Variants in EMILIN2 observed in about 807,000 individuals in gnomAD.
EMILIN2 encodes elastin microfibril interfacer 2, also known as EMILIN-2.
In EMILIN2, 71 loss-of-function variants were observed where a neutral mutation model predicts 87.1. The observed-to-expected ratio is 0.82, with a 90% CI of 0.67 to 0.99. The LOEUF (loss-of-function observed/expected upper bound fraction) is 0.99. Ranked by LOEUF, EMILIN2 falls within the 50% of genes least tolerant of loss-of-function variation. The pLI, the probability that EMILIN2 is intolerant of heterozygous loss-of-function variation, is 0.00. For synonymous variants in EMILIN2, 581 were observed against 563.4 expected (o/e 1.03, Z -0.44); for missense variants, 1,407 against 1,371.8 (o/e 1.03, Z -0.40).
chr18:2,907,050 C>T lies in EMILIN2; in HGVS notation c.2627C>T (p.Thr876Ile). 2 of 1,274,800 alleles carry T rather than the reference C, an allele frequency of 1.6e-6. No homozygotes were observed. The highest frequency in any genetic ancestry group is 2.0e-6 in the Non-Finnish European group (2 of 1,015,002). The allele number at this position is 1,274,800 out of a possible 1,614,324, so 79.0% of individuals were successfully genotyped here. The change falls in exon 5 of 8, where the codon ACC (threonine) becomes ATC (isoleucine). Residue 876 changes from threonine to isoleucine, a missense_variant. Thr to Ile is a moderately conservative substitution (Grantham distance 89). Transcript: ENST00000254528. The stretch of plus-strand genomic sequence containing the variant: ...GTGGACGGCCAGACCGGGAGCGGCA[C>T]CGTCCCCGGCGCAGAAGGCTTCGCG... ...RGVDGQTGSG[T>I]VPGAEGFAGA...
Position 2,848,010 on chromosome 18 carries a change from C to T in EMILIN2, c.257+79C>T, listed in dbSNP as rs2143940971. On this transcript the variant is annotated intron_variant, in intron 2 of 7. Coordinates refer to ENST00000254528, the MANE Select transcript of EMILIN2 (RefSeq NM_032048.3). The surrounding 1 kb of genome is among the most constrained non-coding windows in gnomAD (Gnocchi z 4.1). ...GGTGGGGTGGGGTTGCTGCGCTGGGCTCCAGTCCCTCCGGTAAATCCCTTC... is the reference window on the plus strand; with the variant it reads ...GGTGGGGTGGGGTTGCTGCGCTGGGTTCCAGTCCCTCCGGTAAATCCCTTC... 2.8e-6 allele frequency: 4 copies of T among 1,429,416 alleles called. No individual in the cohort carries two copies. The highest frequency in any genetic ancestry group is 3.7e-6 in the Non-Finnish European group (4 of 1,078,124). 88.5% of individuals were successfully genotyped at this position (1,429,416 alleles called of 1,614,324 possible).
At chr18:2,903,248 G>A (rs2076896250) in intron 4 of EMILIN2, among the ~76,000 whole-genome samples, 2 of 152,024 alleles carry the variant, frequency 1.3e-5, no homozygotes, top group South Asian at 2.1e-4. Flanking sequence ...CCAGGGAGAC[G>A]GTGTCCAGAG....
Position 2,909,762 on chromosome 18 carries a change from G to C in EMILIN2, c.2767G>C (p.Val923Leu). The C allele has an allele frequency of 6.2e-7, 1 of 1,612,746 alleles. No individual in the cohort carries two copies. The highest frequency in any genetic ancestry group is 8.5e-7 in the Non-Finnish European group (1 of 1,179,618). Residue 923 changes from valine (V) to leucine (L), a missense_variant, in exon 7 of 8, where the codon GTT (valine) becomes CTT (leucine). Physicochemically the swap from Val to Leu is conservative, Grantham distance 32 (BLOSUM62 1). Transcript: ENST00000254528. Reference sequence around the variant, plus strand: ...GAAGCCTTTCCCCAGTGATGGGGGCGTTGTCCTCTTTAACAAAGTGCTGGT... The same window carrying C: ...GAAGCCTTTCCCCAGTGATGGGGGCCTTGTCCTCTTTAACAAAGTGCTGGT... Reference protein sequence around the residue: ...TQKPFPSDGGVVLFNKVLVND... With the variant: ...TQKPFPSDGGLVLFNKVLVND...
At chr18:2,879,118 C>CGG (rs2076764170) in intron 2 of EMILIN2, among the ~76,000 whole-genome samples, 1 of 151,942 alleles carries the variant, frequency 6.6e-6, no homozygotes, top group Non-Finnish European at 1.5e-5. Context: ...GAATGGATGT[C>CGG]GGGGGAGAGA....
At chr18:2,870,279 AC>A (rs2076713127) in intron 2 of EMILIN2, among the ~76,000 whole-genome samples, 2 of 152,296 alleles carry the variant, frequency 1.3e-5, no homozygotes, top group African/African-American at 4.8e-5. Flanking sequence ...GAAGTAAAAA[AC>A]ATTTCACATT....
At chr18:2,885,250 A>G (rs1189107346) in intron 3 of EMILIN2, 111 bp downstream of exon 3, 1 of 1,196,054 alleles carries the variant, frequency 8.4e-7, no homozygotes, top group Non-Finnish European at 1.1e-6. Flanking sequence ...CCTTCGAATA[A>G]CACACATAGA....
chr18:2,884,671 C>A lies in EMILIN2; in HGVS notation c.258-293C>A, dbSNP rs559911781. Among the ~76,000 whole-genome samples the A allele has an allele frequency of 1.6e-4, 24 of 152,294 alleles. No homozygotes were observed. The South Asian group carries it at 5.0e-3, about 32-fold the overall frequency. On this transcript the variant is annotated intron_variant, in intron 2 of 7. Transcript: ENST00000254528. ...GCTCAGTTTGGGGGCTGAAAAGTATCCTTCTCAAATGGGAGTCTTGGTGGA... is the reference window on the plus strand; with the variant it reads ...GCTCAGTTTGGGGGCTGAAAAGTATACTTCTCAAATGGGAGTCTTGGTGGA...
At chr18:2,884,532 C>T (rs1335714938) in intron 2 of EMILIN2, among the ~76,000 whole-genome samples, 1 of 152,258 alleles carries the variant, frequency 6.6e-6, no homozygotes, top group Non-Finnish European at 1.5e-5. Context: ...AGGCATGAGC[C>T]ACTGTGCCCG....
In EMILIN2 at chr18:2,906,988, A is replaced by T; in HGVS notation, c.2565A>T (p.Ala855=). Residue 855 remains alanine, a synonymous_variant, in exon 5 of 8, where the codon GCA becomes GCT. Transcript: ENST00000254528. ...AGACGGGCCAGGCCGGGCCCCCCGC[A>T]GGCGCAGGCGTGTCTGGGCGGGGTC... ...IAETGQAGPP[A]GAGVSGRGLP... 7.3e-7 allele frequency: 1 copy of T among 1,375,856 alleles called. No homozygotes were observed. The highest frequency in any genetic ancestry group is 9.4e-7 in the Non-Finnish European group (1 of 1,063,264). 85.2% of individuals were successfully genotyped at this position (1,375,856 alleles called of 1,614,324 possible).
intron 5 of EMILIN2, 144 bp downstream of exon 5, chr18:2,907,229 A>G: frequency 1.1e-6 from 1 of 949,310 alleles, no homozygotes; most frequent in Non-Finnish European, 1.4e-6. Flanking sequence ...AAGGATGCCG[A>G]GGCCCGAGGG....
intron 2 of EMILIN2, among the ~76,000 whole-genome samples, chr18:2,872,586 AG>A (rs2076725515): frequency 6.6e-6 from 1 of 152,204 alleles, no homozygotes; most frequent in African/African-American, 2.4e-5. Context: ...GTGATACAGT[AG>A]GTTCTAGTTA....
intron 4 of EMILIN2, among the ~76,000 whole-genome samples, chr18:2,902,521 A>G (rs2076892256): frequency 6.6e-6 from 1 of 152,116 alleles, no homozygotes; most frequent in Non-Finnish European, 1.5e-5. Flanking sequence ...CGTTTGTCTC[A>G]GTGAGGGTGC....
rs554651277 is a variant in EMILIN2 at position 2,906,985 on chromosome 18, C to A, written c.2562C>A (p.Pro854=). 2.9e-6 allele frequency: 4 copies of A among 1,376,080 alleles called. No homozygotes were observed. The highest frequency in any genetic ancestry group is 2.9e-5 in the Admixed American group (1 of 34,800). The allele number at this position is 1,376,080 out of a possible 1,614,324, so 85.2% of individuals were successfully genotyped here. A position where few individuals can be genotyped will look rare whatever the true frequency, so the allele number is the denominator to read the frequency against. ...VIAETGQAGP[P]AGAGVSGRGL... ...CGGAGACGGGCCAGGCCGGGCCCCCCGCAGGCGCAGGCGTGTCTGGGCGGG... is the reference window on the plus strand; with the variant it reads ...CGGAGACGGGCCAGGCCGGGCCCCCAGCAGGCGCAGGCGTGTCTGGGCGGG... The change falls in exon 5 of 8, where the codon CCC becomes CCA. Residue 854 remains proline (P), a synonymous_variant. Transcript: ENST00000254528.
At chr18:2,905,869 C>A (rs561398305) in intron 4 of EMILIN2, among the ~76,000 whole-genome samples, 12 of 151,658 alleles carry the variant, frequency 7.9e-5, no homozygotes, top group Non-Finnish European at 1.6e-4. Flanking sequence ...AGTGATCCGG[C>A]CGCGTCGGCC....
intron 2 of EMILIN2, among the ~76,000 whole-genome samples, chr18:2,859,909 A>G (rs888639685): frequency 1.3e-5 from 2 of 152,130 alleles, no homozygotes; most frequent in Non-Finnish European, 2.9e-5. Context: ...TGGGTTCTCT[A>G]TTCTGTTCCA....
chr18:2,883,097 A>G (rs1373289121), intron 2 of EMILIN2, among the ~76,000 whole-genome samples: 1 of 152,092 alleles, frequency 6.6e-6, no homozygotes, highest in African/African-American at 2.4e-5. Flanking sequence ...AGGTGCTAGG[A>G]GGTCTAATGG....
chr18:2,869,369 C>T (rs955675452), intron 2 of EMILIN2, among the ~76,000 whole-genome samples: 5 of 152,110 alleles, frequency 3.3e-5, no homozygotes, highest in South Asian at 2.1e-4. Flanking sequence ...CATATATACC[C>T]GTGAAACCAA....
In EMILIN2 at chr18:2,847,849, T is replaced by C. The variant is rs780174463; in HGVS notation, c.175T>C (p.Ser59Pro). 2.5e-6 allele frequency: 4 copies of C among 1,613,668 alleles called. No homozygotes were observed. Among genetic ancestry groups the C allele is most frequent in the Admixed American group, 1.7e-5 (1 of 60,024 alleles). Reference protein sequence around the residue: ...AYIVNKNVSCSVLEGSESFIQ... With the variant: ...AYIVNKNVSCPVLEGSESFIQ... Reference sequence around the variant, plus strand: ...CATCGTGAACAAGAATGTGAGCTGCTCCGTGCTGGAGGGAAGTGAGAGTTT... The same window carrying C: ...CATCGTGAACAAGAATGTGAGCTGCCCCGTGCTGGAGGGAAGTGAGAGTTT... Residue 59 changes from serine (S) to proline (P), a missense_variant, in exon 2 of 8, where the codon TCC becomes CCC. Ser to Pro is a moderately conservative substitution (Grantham distance 74, BLOSUM62 -1). Coordinates refer to ENST00000254528, the MANE Select transcript of EMILIN2 (RefSeq NM_032048.3). The surrounding 1 kb of genome is among the most constrained non-coding windows in gnomAD (Gnocchi z 4.5).
intron 7 of EMILIN2, among the ~76,000 whole-genome samples, chr18:2,911,893 G>T (rs1440154205): frequency 6.6e-6 from 1 of 152,178 alleles, no homozygotes; most frequent in Non-Finnish European, 1.5e-5. Flanking sequence ...CAGGGCTGGT[G>T]CTGGCCTCAG....
Sources: gnomAD v4.1 joint callset for allele counts (sites outside exome capture counted in the v4.1 genomes callset) on GRCh38, gnomAD v4.1.1 for gene constraint, Gnocchi (gnomAD v3.1) non-coding constraint, MANE v1.5 for transcripts, NCBI Gene and HGNC (gene_info 2026-07-23, HGNC 2026-07-21) for gene names.